The following ALPK2 variants were observed in gnomAD, a reference collection of about 807,000 sequenced individuals.
ALPK2 encodes alpha kinase 2, also known as alpha-protein kinase 2.
Under a neutral mutation model 163.1 loss-of-function variants are expected in ALPK2, and 127 were observed. That is an observed-to-expected ratio of 0.78 (90% CI 0.67 to 0.90). ALPK2 has a LOEUF of 0.90. ALPK2 is among the 40% of genes least tolerant of loss of function. The pLI is 0.00. For synonymous variants in ALPK2, 953 were observed against 959.1 expected (o/e 0.99, Z 0.12); for missense variants, 2,360 against 2,589.6 (o/e 0.91, Z 1.92).
chr18:58,522,186 G>A (rs1234859805), intron 8 of ALPK2, among the ~76,000 whole-genome samples: 2 of 152,184 alleles, frequency 1.3e-5, no homozygotes, highest in African/African-American at 2.4e-5. Context: ...CTGGACCACC[G>A]TGGTATGTGG....
At position 58,537,411 on chromosome 18, in the gene ALPK2, G is replaced by T. The variant is rs1285629515; in HGVS notation, c.2776C>A (p.His926Asn). 2.5e-6 allele frequency: 4 copies of T among 1,613,708 alleles called. No individual in the cohort carries two copies. In the Admixed American group the frequency reaches 6.7e-5, roughly 27 times the overall value. The change falls in exon 5 of 13, where the codon CAT (histidine) becomes AAT (asparagine). Residue 926 changes from histidine to asparagine, a missense_variant. By Grantham distance (68) the His-to-Asn change is moderately conservative (BLOSUM62 1). Transcript: ENST00000361673. ...GGGCTTGGCTGCTCCTGGCCAGCAT[G>T]TACTGTGGAGGCCAGTGGGTAGGTG... ...NSTYPLASTV[H>N]AGQEQPSPSN...
chr18:58,590,775 C>A (rs2052011048), intron 3 of ALPK2, among the ~76,000 whole-genome samples: 1 of 152,166 alleles, frequency 6.6e-6, no homozygotes. Context: ...CATACATTTA[C>A]CAATTTATTC....
At chr18:58,568,539 C>T (rs1391266656) in intron 4 of ALPK2, among the ~76,000 whole-genome samples, 3 of 152,108 alleles carry the variant, frequency 2.0e-5, no homozygotes, top group Non-Finnish European at 2.9e-5. Context: ...GCTCTACCCT[C>T]GATCTATTGA....
chr18:58,519,260 T>TAG (rs140235355), intron 8 of ALPK2, among the ~76,000 whole-genome samples: 2,080 of 152,230 alleles, frequency 0.014, 44 homozygotes, highest in African/African-American at 0.048. Flanking sequence ...GGTGAGAAAA[T>TAG]AGAGGGAATG....
chr18:58,529,399 T>C (rs2051600815), intron 5 of ALPK2, among the ~76,000 whole-genome samples, 161 bp from the exon 6 acceptor site: 1 of 152,192 alleles, frequency 6.6e-6, no homozygotes, highest in African/African-American at 2.4e-5. Flanking sequence ...GCCTAAATAG[T>C]CGGAAAATTT....
Position 58,538,402 on chromosome 18 carries a change from A to G in ALPK2, c.1963-178T>C, listed in dbSNP as rs2051669595. 10 of 611,978 alleles carry G rather than the reference A, an allele frequency of 1.6e-5. 1 individual carries two copies. The South Asian group carries it at 2.9e-4, about 17-fold the overall frequency. 37.9% of individuals were successfully genotyped at this position (611,978 alleles called of 1,614,324 possible). A position where few individuals can be genotyped will look rare whatever the true frequency, so the allele number is the denominator to read the frequency against. On this transcript the variant is annotated intron_variant, in intron 4 of 12. Coordinates refer to ENST00000361673, the MANE Select transcript of ALPK2 (RefSeq NM_052947.4). ...TATTAGAGATTTCCTAGAAAACTGCAAATTTAAGCAACTCTGTGTTCCAGG... is the reference window on the plus strand; with the variant it reads ...TATTAGAGATTTCCTAGAAAACTGCGAATTTAAGCAACTCTGTGTTCCAGG...
In ALPK2 at chr18:58,579,881, G is replaced by A. The variant is rs1228537567; in HGVS notation, c.895C>T (p.Leu299Phe). 1.2e-6 allele frequency: 2 copies of A among 1,614,198 alleles called. No individual in the cohort carries two copies. Among genetic ancestry groups the A allele is most frequent in the Admixed American group, 1.7e-5 (1 of 60,026 alleles). Reference sequence around the variant, plus strand: ...TCACTGTCAGAGTCTTCACTGGAAAGCTGTGGGCTGGGTTGTTTGTTGGCC... The same window carrying A: ...TCACTGTCAGAGTCTTCACTGGAAAACTGTGGGCTGGGTTGTTTGTTGGCC... ...AVANKQPSPQ[L>F]SSEDSDSDYE... Residue 299 changes from leucine (L) to phenylalanine (F), a missense_variant, in exon 4 of 13, where the codon CTT (leucine) becomes TTT (phenylalanine). Coordinates refer to ENST00000361673, the MANE Select transcript of ALPK2 (RefSeq NM_052947.4).
Position 58,580,092 on chromosome 18 carries a change from G to A in ALPK2, c.684C>T (p.Asp228=). The change falls in exon 4 of 13, where the codon GAC becomes GAT. Residue 228 remains aspartate, a synonymous_variant. Transcript: ENST00000361673. The part of the protein sequence containing the change: ...LNSSHIYEKQ[D]RCCHKTVHSM... ...AATGCACTGTCTTGTGGCAACATCTGTCTTGTTTTTCATAAATATGACTTG... is the reference window on the plus strand; with the variant it reads ...AATGCACTGTCTTGTGGCAACATCTATCTTGTTTTTCATAAATATGACTTG... 3.7e-6 allele frequency: 6 copies of A among 1,614,240 alleles called. No individual in the cohort carries two copies. Among genetic ancestry groups the A allele is most frequent in the Non-Finnish European group, 5.1e-6 (6 of 1,180,038 alleles).
intron 4 of ALPK2, chr18:58,543,523 G>A (rs903556139): frequency 2.6e-6 from 1 of 390,038 alleles, no homozygotes; most frequent in East Asian, 1.6e-4. Flanking sequence ...AAGGCTACAA[G>A]GTTGCAGATG....
At chr18:58,541,245 G>A (rs1489470883) in intron 4 of ALPK2, among the ~76,000 whole-genome samples, 1 of 152,252 alleles carries the variant, frequency 6.6e-6, no homozygotes. Flanking sequence ...TGGCAAAGCT[G>A]AAGCCCACAT....
intron 6 of ALPK2, among the ~76,000 whole-genome samples, chr18:58,524,943 C>T (rs1423329856): frequency 3.0e-5 from 4 of 132,996 alleles, no homozygotes; most frequent in Non-Finnish European, 6.3e-5. Flanking sequence ...AAAAAACTTA[C>T]TCTACAGCAA....
intron 4 of ALPK2, among the ~76,000 whole-genome samples, chr18:58,550,758 C>T (rs1351874577): frequency 2.6e-5 from 4 of 151,308 alleles, no homozygotes; most frequent in Non-Finnish European, 5.9e-5. Flanking sequence ...ACAACCCCAT[C>T]CCTATCTCTA....
At chr18:58,585,252 T>C (rs2051979503) in intron 3 of ALPK2, among the ~76,000 whole-genome samples, 1 of 152,192 alleles carries the variant, frequency 6.6e-6, no homozygotes, top group Admixed American at 6.5e-5. Flanking sequence ...TCTGTCAATA[T>C]TTACCACATT....
chr18:58,559,622 G>A (rs1436542154), intron 4 of ALPK2, among the ~76,000 whole-genome samples: 2 of 152,142 alleles, frequency 1.3e-5, no homozygotes, highest in East Asian at 3.9e-4. Context: ...GATTGGCTAT[G>A]GAGTCTCTGA....
At chr18:58,529,561 T>G (rs2051601600) in intron 5 of ALPK2, among the ~76,000 whole-genome samples, 1 of 152,138 alleles carries the variant, frequency 6.6e-6, no homozygotes, top group South Asian at 2.1e-4. Context: ...TAGGATCTCA[T>G]CCAAATAAAG....
intron 12 of ALPK2, among the ~76,000 whole-genome samples, chr18:58,494,958 G>A (rs1262019144): frequency 6.6e-6 from 1 of 152,092 alleles, no homozygotes; most frequent in African/African-American, 2.4e-5. Context: ...TCCCAGCATT[G>A]AGGATCTGCC....
intron 1 of ALPK2, among the ~76,000 whole-genome samples, chr18:58,623,441 A>G (rs911182465): frequency 6.6e-6 from 1 of 152,156 alleles, no homozygotes; most frequent in African/African-American, 2.4e-5. Context: ...CGTAGGGTGC[A>G]GTACTGCAGC....
chr18:58,592,225 C>T (rs1713595816), intron 3 of ALPK2, among the ~76,000 whole-genome samples: 1 of 152,090 alleles, frequency 6.6e-6, no homozygotes, highest in Non-Finnish European at 1.5e-5. Flanking sequence ...AGAAGGGAAA[C>T]AAGAAATTAG....
At chr18:58,550,517 C>CCATCTCTATCACCTACAACCCCATCT (rs2051750643) in intron 4 of ALPK2, among the ~76,000 whole-genome samples, 1 of 87,146 alleles carries the variant, frequency 1.1e-5, no homozygotes, top group African/African-American at 4.0e-5. Flanking sequence ...CAACCCCATC[C>CCATCTCTATCACCTACAACCCCATCT]CCATCTCCAT....
Sources: gnomAD v4.1 joint callset for allele counts (sites outside exome capture counted in the v4.1 genomes callset) on GRCh38, gnomAD v4.1.1 for gene constraint, MANE v1.5 for transcripts, NCBI Gene and HGNC (gene_info 2026-07-23, HGNC 2026-07-21) for gene names.